PLEKHM3: variants seen among roughly 807,000 people sequenced by gnomAD.
PLEKHM3 encodes pleckstrin homology domain containing M3, also known as pleckstrin homology domain-containing family M member 3.
A neutral mutation model predicts 81.8 loss-of-function variants in PLEKHM3; 45 were observed. That is an observed-to-expected ratio of 0.55 (90% CI 0.43 to 0.71). The LOEUF is 0.71. Among genes scored for constraint, PLEKHM3 ranks in the 30% least tolerant of loss-of-function variants. The pLI, the probability that PLEKHM3 is intolerant of heterozygous loss-of-function variation, is 0.00. For missense variants in PLEKHM3, 788 were observed against 924.3 expected (o/e 0.85, Z 1.91); for synonymous variants, 352 against 356.4 (o/e 0.99, Z 0.14).
Position 207,911,425 on chromosome 2 carries a change from A to C in PLEKHM3, c.1887-2848T>G, listed in dbSNP as rs185833589. 7.2e-5 allele frequency among the ~76,000 whole-genome samples: 11 copies of C among 152,344 alleles called. No homozygotes were observed. In the East Asian group the frequency reaches 2.1e-3, roughly 29 times the overall value. ...GCTTCCCCTAATGCTTACATCTTACATAACCATGGCATATTGATCAAAAAT... is the reference window on the plus strand; with the variant it reads ...GCTTCCCCTAATGCTTACATCTTACCTAACCATGGCATATTGATCAAAAAT... On this transcript the variant is annotated intron_variant, in intron 5 of 7. Coordinates refer to ENST00000427836, the MANE Select transcript of PLEKHM3 (RefSeq NM_001080475.3).
At chr2:207,895,327 G>A (rs1688187609) in intron 6 of PLEKHM3, among the ~76,000 whole-genome samples, 2 of 152,166 alleles carry the variant, frequency 1.3e-5, no homozygotes, top group African/African-American at 4.8e-5. Flanking sequence ...CAGCATATCT[G>A]CCTGTCTGCC....
chr2:207,895,203 C>G (rs961904197), intron 6 of PLEKHM3, among the ~76,000 whole-genome samples: 3 of 152,146 alleles, frequency 2.0e-5, no homozygotes, highest in Non-Finnish European at 4.4e-5. Flanking sequence ...TCCCTCTCTC[C>G]TCTTGGCTAA....
chr2:207,946,390 T>C lies in PLEKHM3; in HGVS notation c.1669A>G (p.Asn557Asp). ...ACCTTATACTTTGAAGTATCCCAGT[T>C]GTGGACTATGCGTGCTGGAATGAGA... ...SFLIPARIVH[N>D]WDTSKYKVSK... Residue 557 changes from asparagine (N) to aspartate (D), a missense_variant, in exon 4 of 8, where the codon AAC becomes GAC. Asn to Asp is a conservative substitution (Grantham distance 23). Transcript: ENST00000427836. 1 of 1,614,154 alleles carries C rather than the reference T, an allele frequency of 6.2e-7. No individual in the cohort carries two copies. The highest frequency in any genetic ancestry group is 8.5e-7 in the Non-Finnish European group (1 of 1,179,986).
intron 3 of PLEKHM3, among the ~76,000 whole-genome samples, chr2:207,949,462 C>T (rs1690257848): frequency 2.6e-5 from 4 of 152,132 alleles, no homozygotes; most frequent in Non-Finnish European, 4.4e-5. Context: ...AGCACTTGAA[C>T]CTAGGAGGTC....
At chr2:207,887,145 C>T (rs956460603) in intron 6 of PLEKHM3, among the ~76,000 whole-genome samples, 14 of 152,122 alleles carry the variant, frequency 9.2e-5, no homozygotes, top group African/African-American at 3.4e-4. Context: ...TGGTCTAGGC[C>T]TATGTTAGAC....
chr2:207,865,238 T>C (rs1230467062), intron 6 of PLEKHM3, among the ~76,000 whole-genome samples: 1 of 152,200 alleles, frequency 6.6e-6, no homozygotes, highest in East Asian at 1.9e-4. Context: ...GTATATCCCG[T>C]CATTCACCAC....
At chr2:207,837,356 T>A (rs1559201332) in intron 7 of PLEKHM3, among the ~76,000 whole-genome samples, 2 of 152,112 alleles carry the variant, frequency 1.3e-5, no homozygotes, top group African/African-American at 4.8e-5. Context: ...ATTCCAGCAC[T>A]TTGGGAGGCT....
At chr2:207,835,337 G>A (rs777881801) in intron 7 of PLEKHM3, among the ~76,000 whole-genome samples, 1 of 152,170 alleles carries the variant, frequency 6.6e-6, no homozygotes, top group Non-Finnish European at 1.5e-5. Flanking sequence ...GAGGAGCCCC[G>A]AGTCCTTGGC....
In PLEKHM3 at chr2:208,015,280, C is replaced by A. The variant is rs557417156; in HGVS notation, c.-319+10109G>T. Reference sequence around the variant, plus strand: ...AAGATACACACACAGCCCCATAAGACAATTCAAAGCAAATTAATTACCCTG... The same window carrying A: ...AAGATACACACACAGCCCCATAAGAAAATTCAAAGCAAATTAATTACCCTG... On this transcript the variant is annotated intron_variant, in intron 1 of 7. Transcript: ENST00000427836. Among the ~76,000 whole-genome samples, 21 of 152,232 alleles carry A rather than the reference C, an allele frequency of 1.4e-4. No homozygotes were observed. In the South Asian group the frequency reaches 4.1e-3, roughly 30 times the overall value.
chr2:207,873,109 CAATAAT>C (rs965211386), intron 6 of PLEKHM3, among the ~76,000 whole-genome samples: 1 of 150,426 alleles, frequency 6.6e-6, no homozygotes, highest in African/African-American at 2.4e-5. Flanking sequence ...AGGATGAAAG[CAATAAT>C]AATAATAATA....
intron 7 of PLEKHM3, among the ~76,000 whole-genome samples, chr2:207,855,719 T>A (rs552847298): frequency 3.3e-5 from 5 of 152,184 alleles, no homozygotes; most frequent in African/African-American, 1.2e-4. Flanking sequence ...ACTCCACACA[T>A]AAGAAAAACA....
chr2:207,918,890 A>T (rs1689089867), intron 5 of PLEKHM3, among the ~76,000 whole-genome samples: 1 of 152,234 alleles, frequency 6.6e-6, no homozygotes, highest in African/African-American at 2.4e-5. Context: ...TAGGTTGAAC[A>T]AAGCAAAACG....
intron 2 of PLEKHM3, among the ~76,000 whole-genome samples, chr2:207,996,737 G>T (rs933243594): frequency 3.3e-5 from 5 of 151,976 alleles, no homozygotes; most frequent in African/African-American, 1.2e-4. Context: ...TGTACCACAG[G>T]AAGGCCAATT....
chr2:207,905,629 A>G (rs978801690), intron 6 of PLEKHM3, among the ~76,000 whole-genome samples: 1 of 152,252 alleles, frequency 6.6e-6, no homozygotes, highest in African/African-American at 2.4e-5. Flanking sequence ...GCTAAATCCA[A>G]TTTAACCCAC....
intron 5 of PLEKHM3, among the ~76,000 whole-genome samples, chr2:207,919,568 G>T (rs556801829): frequency 6.6e-6 from 1 of 152,174 alleles, no homozygotes; most frequent in Non-Finnish European, 1.5e-5. Flanking sequence ...AAGCTGACAG[G>T]TTTGCCGACT....
In PLEKHM3 at chr2:207,976,537, T is replaced by A; in HGVS notation, c.1546+114A>T. ...AAGCTTCTCGAGGAGAGATACTTTTTATAAACAGGAGATAGCTGTGACTAG... is the reference window on the plus strand; with the variant it reads ...AAGCTTCTCGAGGAGAGATACTTTTAATAAACAGGAGATAGCTGTGACTAG... On this transcript the variant is annotated intron_variant, in intron 3 of 7. Transcript: ENST00000427836. This position sits in a 1 kb window ranked among gnomAD's most constrained non-coding sequence, Gnocchi z 4.1. The A allele has an allele frequency of 9.8e-7, 1 of 1,019,392 alleles. No homozygotes were observed. Among genetic ancestry groups the A allele is most frequent in the Non-Finnish European group, 1.4e-6 (1 of 711,608 alleles). The allele number at this position is 1,019,392 out of a possible 1,614,324, so 63.1% of individuals were successfully genotyped here.
intron 1 of PLEKHM3, among the ~76,000 whole-genome samples, chr2:208,020,604 G>A (rs1050391488): frequency 6.6e-6 from 1 of 152,184 alleles, no homozygotes; most frequent in African/African-American, 2.4e-5. Flanking sequence ...ACTCAGCACT[G>A]AGTTCTCTGA....
rs1162841049 is a variant in PLEKHM3, at chr2:207,977,195, T to C, written c.1002A>G (p.Thr334=). The C allele has an allele frequency of 1.2e-6, 2 of 1,614,196 alleles. No homozygotes were observed. The highest frequency in any genetic ancestry group is 3.3e-5 in the Admixed American group (2 of 60,018). Residue 334 remains threonine (T), a synonymous_variant, in exon 3 of 8, where the codon ACA becomes ACG. Coordinates refer to ENST00000427836, the MANE Select transcript of PLEKHM3 (RefSeq NM_001080475.3). ...SPGLGHHDDY[T]QNHSFQKKTS... ...TTTTCTTCTGGAAACTATGATTCTG[T>C]GTATAGTCATCATGATGGCCAAGCC...
intron 4 of PLEKHM3, among the ~76,000 whole-genome samples, chr2:207,936,039 G>A (rs180958328): frequency 2.2e-4 from 33 of 152,344 alleles, no homozygotes; most frequent in Admixed American, 7.2e-4. Context: ...CTGGAATGCA[G>A]TGGCATGATC....
Sources: allele counts gnomAD v4.1 joint callset (sites outside exome capture counted in the v4.1 genomes callset), GRCh38; gene constraint gnomAD v4.1.1; non-coding constraint Gnocchi (gnomAD v3.1); transcripts MANE v1.5; gene names NCBI Gene and HGNC (gene_info 2026-07-23, HGNC 2026-07-21).